The following SYT14 variants were observed in gnomAD, a reference collection of about 807,000 sequenced individuals.
The protein encoded by SYT14 is synaptotagmin 14.
SYT14 carries 32 observed loss-of-function variants against 74.2 expected under a neutral mutation model. The ratio of observed to expected loss-of-function variants is 0.43; its 90% CI spans 0.33 to 0.58. The LOEUF (loss-of-function observed/expected upper bound fraction) is 0.58, where lower values mean the gene tolerates loss of function less well. Ranked by LOEUF, SYT14 falls within the 20% of genes least tolerant of loss-of-function variation. The pLI is 0.05. For synonymous variants in SYT14, 298 were observed against 337.7 expected, an observed-to-expected ratio of 0.88 and a Z score of 1.29; for missense variants, 791 against 981.8, an observed-to-expected ratio of 0.81 and a Z score of 2.60.
intron 2 of SYT14, among the ~76,000 whole-genome samples, chr1:209,974,649 G>C (rs1430547453): frequency 2.0e-5 from 3 of 151,948 alleles, no homozygotes; most frequent in Non-Finnish European, 4.4e-5. Flanking sequence ...GTAGCGTGAT[G>C]CCTCCAGCTT....
At chr1:210,106,994 A>G (rs985880804) in intron 7 of SYT14, among the ~76,000 whole-genome samples, 1 of 152,254 alleles carries the variant, frequency 6.6e-6, no homozygotes, top group Non-Finnish European at 1.5e-5. Context: ...GGCATTGAGT[A>G]AATACACCTG....
chr1:209,990,550 T>TATATATATGTATATAC (rs1558114657), intron 2 of SYT14, among the ~76,000 whole-genome samples: 8 of 800 alleles, frequency 0.01, no homozygotes, highest in Admixed American at 0.02. Flanking sequence ...TATATATATG[T>TATATATATGTATATAC]ATATATATAC....
intron 6 of SYT14, among the ~76,000 whole-genome samples, chr1:210,094,994 A>G (rs990462413): frequency 2.6e-5 from 4 of 152,106 alleles, no homozygotes; most frequent in Non-Finnish European, 5.9e-5. Context: ...ATCTTATTGT[A>G]TTTTCATATC....
chr1:210,161,131 G>T, exon 10 of SYT14: 1 of 1,398,660 alleles, frequency 7.1e-7, no homozygotes, highest in Non-Finnish European at 1.0e-6. Flanking sequence ...TAGAAGAGCT[G>T]TTCTTTGAAG....
chr1:210,131,771 T>G (rs2082679056), intron 7 of SYT14, among the ~76,000 whole-genome samples: 1 of 152,192 alleles, frequency 6.6e-6, no homozygotes, highest in South Asian at 2.1e-4. Context: ...TCTCTTTGAA[T>G]GTAGCCAGTG....
intron 2 of SYT14, among the ~76,000 whole-genome samples, chr1:209,995,687 C>T (rs1224396309): frequency 6.6e-6 from 1 of 152,250 alleles, no homozygotes; most frequent in East Asian, 1.9e-4. Flanking sequence ...ATACATTCTT[C>T]TCATATGCAT....
At chr1:210,168,823 G>A (rs1361999655) in exon 10 of SYT14, 2 of 152,138 alleles carry the variant, frequency 1.3e-5, no homozygotes, top group Non-Finnish European at 2.9e-5. Context: ...TCCTCCTAGT[G>A]ATTCCTGTCC....
At chr1:209,991,494 G>T (rs751040872) in intron 2 of SYT14, among the ~76,000 whole-genome samples, 3 of 152,070 alleles carry the variant, frequency 2.0e-5, no homozygotes, top group Non-Finnish European at 4.4e-5. Context: ...ATTTTGCAAA[G>T]GAAGACATAC....
intron 2 of SYT14, among the ~76,000 whole-genome samples, chr1:209,970,745 A>G (rs2079241088): frequency 7.8e-6 from 1 of 128,218 alleles, no homozygotes; most frequent in African/African-American, 3.0e-5. Flanking sequence ...ACAGTGGCAC[A>G]GTCTCGGCTC....
At chr1:210,000,823 C>T (rs2079887326) in intron 2 of SYT14, among the ~76,000 whole-genome samples, 1 of 151,992 alleles carries the variant, frequency 6.6e-6, no homozygotes, top group Non-Finnish European at 1.5e-5. Context: ...CCATCTTGGC[C>T]AGGCTGGTCT....
At chr1:210,099,018 G>A (rs561909834) in intron 6 of SYT14, among the ~76,000 whole-genome samples, 14 of 152,068 alleles carry the variant, frequency 9.2e-5, no homozygotes, top group South Asian at 2.1e-4. Context: ...ATTTTGTTTC[G>A]TAAATGGAAA....
chr1:210,000,586 A>C (rs1572138883), intron 2 of SYT14, among the ~76,000 whole-genome samples: 1 of 128,920 alleles, frequency 7.8e-6, no homozygotes, highest in Non-Finnish European at 1.6e-5. Context: ...TTCTCCTCCT[A>C]CTTTCATTAG....
chr1:210,123,572 T>C (rs1055698922), intron 7 of SYT14, among the ~76,000 whole-genome samples: 1 of 152,188 alleles, frequency 6.6e-6, no homozygotes, highest in Non-Finnish European at 1.5e-5. Flanking sequence ...ATAGCATAAG[T>C]TTCTTCTCTG....
At chr1:210,143,599 G>C (rs931969126) in intron 7 of SYT14, among the ~76,000 whole-genome samples, 2 of 152,034 alleles carry the variant, frequency 1.3e-5, no homozygotes, top group Admixed American at 1.3e-4. Context: ...AGTTACTTAA[G>C]TGTAATACTG....
chr1:209,939,166 C>T (rs1300109427), intron 1 of SYT14, among the ~76,000 whole-genome samples: 1 of 152,144 alleles, frequency 6.6e-6, no homozygotes, highest in Non-Finnish European at 1.5e-5. Flanking sequence ...TAATTTCACA[C>T]GTCTAGGATA....
intron 7 of SYT14, among the ~76,000 whole-genome samples, chr1:210,132,336 G>T (rs1309006191): frequency 6.6e-6 from 1 of 151,324 alleles, no homozygotes; most frequent in African/African-American, 2.4e-5. Context: ...CTGCTGGTGT[G>T]CCACGTGCCA....
At chr1:210,156,316 A>C (rs2083265969) in intron 8 of SYT14, among the ~76,000 whole-genome samples, 2 of 152,066 alleles carry the variant, frequency 1.3e-5, no homozygotes, top group Admixed American at 1.3e-4. Context: ...ATTTACTTCT[A>C]TATTTTCCTT....
chr1:210,157,657 A>G (rs150783113), intron 8 of SYT14, among the ~76,000 whole-genome samples: 3,195 of 151,426 alleles, frequency 0.021, 112 homozygotes, highest in African/African-American at 0.073. Flanking sequence ...CAAGAGAATC[A>G]CTTGAACCCA....
At chr1:210,079,543 G>A (rs227185) in intron 5 of SYT14, among the ~76,000 whole-genome samples, 16,614 of 152,128 alleles carry the variant, frequency 0.11, 1,217 homozygotes, top group Non-Finnish European at 0.15. Flanking sequence ...GACATTGTCC[G>A]AGTTGAGAAT....
Sources: gnomAD v4.1 joint callset for allele counts (sites outside exome capture counted in the v4.1 genomes callset) on GRCh38, gnomAD v4.1.1 for gene constraint, MANE v1.5 for transcripts, NCBI Gene and HGNC (gene_info 2026-07-23, HGNC 2026-07-21) for gene names.